Variants in KIF9 observed in about 807,000 individuals in gnomAD.
KIF9 encodes the protein kinesin family member 9, also known as kinesin-like protein KIF9.
KIF9 carries 68 observed loss-of-function variants against 94.8 expected under a neutral mutation model. The observed-to-expected ratio is 0.72, with a 90% CI of 0.59 to 0.88. The LOEUF (loss-of-function observed/expected upper bound fraction) is 0.88, where lower values mean the gene tolerates loss of function less well. Among genes scored for constraint, KIF9 ranks in the 40% least tolerant of loss-of-function variants. The pLI, the probability that KIF9 is intolerant of heterozygous loss-of-function variation, is 0.00. For synonymous variants in KIF9, 343 were observed against 362.1 expected (o/e 0.95, Z 0.60); for missense variants, 882 against 982.5 (o/e 0.90, Z 1.37).
chr3:47,280,872 C>T, intron 1 of KIF9: 1 of 702,204 alleles, frequency 1.4e-6, no homozygotes, highest in Non-Finnish European at 2.6e-6. Context: ...TCTTCCTTTG[C>T]ACACCCGTCT....
chr3:47,262,414 C>T (rs540649574), intron 9 of KIF9, among the ~76,000 whole-genome samples: 9 of 152,074 alleles, frequency 5.9e-5, no homozygotes, highest in African/African-American at 9.6e-5. Flanking sequence ...GGATTACAGG[C>T]GCCCGCCACC....
At chr3:47,251,352 G>A (rs182739541) in intron 10 of KIF9, among the ~76,000 whole-genome samples, 32 of 152,248 alleles carry the variant, frequency 2.1e-4, no homozygotes, top group African/African-American at 7.2e-4. Flanking sequence ...GATCACTTGA[G>A]GTCAGGAGTT....
At chr3:47,239,475 C>T (rs181697159) in intron 17 of KIF9, 90 of 839,028 alleles carry the variant, frequency 1.1e-4, no homozygotes, top group East Asian at 9.4e-4. Flanking sequence ...TTCCCAGACC[C>T]GTGGAGGGCT....
At chr3:47,263,326 A>T (rs1321920066) in intron 9 of KIF9, among the ~76,000 whole-genome samples, 1 of 151,982 alleles carries the variant, frequency 6.6e-6, no homozygotes, top group Non-Finnish European at 1.5e-5. Flanking sequence ...TCTAATTCTC[A>T]CAAGCTTCTC....
chr3:47,233,619 C>A (rs965068681), intron 20 of KIF9, among the ~76,000 whole-genome samples: 2 of 151,534 alleles, frequency 1.3e-5, no homozygotes, highest in Admixed American at 1.3e-4. Context: ...TCGCTTCAAT[C>A]TGTGAGGTCG....
In KIF9 at chr3:47,253,773, C is replaced by T. The variant is rs184806192; in HGVS notation, c.1059+3710G>A. On this transcript the variant is annotated intron_variant, in intron 10 of 20. Coordinates refer to ENST00000684063, the MANE Select transcript of KIF9 (RefSeq NM_182902.4). ...TCTGGCTCCCTCATCCCACAACTCA[C>T]TTAGCTACTCCCCTGTTAAAGGATA... 2.0e-3 allele frequency among the ~76,000 whole-genome samples: 299 copies of T among 152,302 alleles called. 3 individuals are homozygous for T. The highest frequency in any genetic ancestry group is 6.6e-3 in the African/African-American group (273 of 41,568).
intron 2 of KIF9, among the ~76,000 whole-genome samples, chr3:47,276,391 A>C (rs930775616): frequency 2.6e-5 from 4 of 152,182 alleles, no homozygotes; most frequent in Non-Finnish European, 5.9e-5. Context: ...CCCCGTCTCT[A>C]CTAAAAATAC....
chr3:47,243,200 C>T lies in KIF9; in HGVS notation c.1560G>A (p.Lys520=), dbSNP rs768217836. ...KEGASSPVNG[K]DLDYVSTSKT... is the part of the protein sequence containing the mutation. ...TGGAGGTGGAAACGTAATCCAAGTC[C>T]TTCCCATTCACAGGGCTGCTGGCAC... Residue 520 remains lysine, a synonymous_variant, in exon 16 of 21, where the codon AAG becomes AAA. Transcript: ENST00000684063. The T allele has an allele frequency of 1.2e-6, 2 of 1,613,266 alleles. No individual in the cohort carries two copies. The highest frequency in any genetic ancestry group is 1.7e-6 in the Non-Finnish European group (2 of 1,179,412).
intron 5 of KIF9, among the ~76,000 whole-genome samples, chr3:47,267,724 T>C (rs1312241839): frequency 6.6e-6 from 1 of 152,166 alleles, no homozygotes; most frequent in Non-Finnish European, 1.5e-5. Context: ...ATAAGCAGAA[T>C]TCTGCTAATA....
At chr3:47,274,773 A>G (rs1459076146) in intron 3 of KIF9, among the ~76,000 whole-genome samples, 1 of 152,228 alleles carries the variant, frequency 6.6e-6, no homozygotes, top group African/African-American at 2.4e-5. Flanking sequence ...TGGGGACCAC[A>G]CCTACGTATC....
At chr3:47,255,496 A>C (rs985383311) in intron 10 of KIF9, among the ~76,000 whole-genome samples, 1 of 152,114 alleles carries the variant, frequency 6.6e-6, no homozygotes, top group African/African-American at 2.4e-5. Context: ...CTCATGTAGA[A>C]GCCTAGAGCA....
At position 47,240,694 on chromosome 3, in the gene KIF9, C is replaced by G. The variant is rs1014194304; in HGVS notation, c.1924+107G>C. The G allele has an allele frequency of 7.4e-5, 67 of 910,768 alleles. 1 individual carries two copies. The South Asian group carries it at 9.5e-4, about 13-fold the overall frequency. 56.4% of individuals were successfully genotyped at this position (910,768 alleles called of 1,614,324 possible). On this transcript the variant is annotated intron_variant, in intron 17 of 20. Coordinates refer to ENST00000684063, the MANE Select transcript of KIF9 (RefSeq NM_182902.4). ...GGTGAAGGCCACATCCCAGCACCCC[C>G]ACTGGCCCCCTCCCATCTCAGACCT...
At chr3:47,269,541 C>T (rs1701503754) in intron 5 of KIF9, among the ~76,000 whole-genome samples, 1 of 152,160 alleles carries the variant, frequency 6.6e-6, no homozygotes. Context: ...CTTGGCCTCC[C>T]AAAGTGCTGG....
chr3:47,269,004 C>T (rs1375191655), intron 5 of KIF9, among the ~76,000 whole-genome samples: 1 of 151,844 alleles, frequency 6.6e-6, no homozygotes, highest in African/African-American at 2.4e-5. Context: ...GAACTCCTGA[C>T]TTCCAGTGAT....
intron 4 of KIF9, among the ~76,000 whole-genome samples, chr3:47,273,222 T>G (rs1020151633): frequency 1.1e-4 from 16 of 152,172 alleles, no homozygotes; most frequent in Admixed American, 1.0e-3. Flanking sequence ...GGAAAGAGAA[T>G]GATTAGGACC....
intron 2 of KIF9, among the ~76,000 whole-genome samples, chr3:47,276,610 A>G (rs1701991116): frequency 6.6e-6 from 1 of 151,962 alleles, no homozygotes; most frequent in Non-Finnish European, 1.5e-5. Flanking sequence ...CCACTCACAC[A>G]TTAAATGCTC....
At chr3:47,245,714 AC>A in intron 13 of KIF9, 1 of 579,938 alleles carries the variant, frequency 1.7e-6, no homozygotes, top group Non-Finnish European at 3.1e-6. Context: ...CGACCCCCAT[AC>A]CCACAAGGGC....
At chr3:47,280,668 C>T (rs1405259568) in intron 1 of KIF9, among the ~76,000 whole-genome samples, 2 of 152,208 alleles carry the variant, frequency 1.3e-5, no homozygotes, top group East Asian at 1.9e-4. Flanking sequence ...TGGACAACAG[C>T]GTGAGACTGT....
chr3:47,275,238 TGAGC>T (rs1701886428), intron 3 of KIF9, 83 bp downstream of exon 3: 1 of 1,012,186 alleles, frequency 9.9e-7, no homozygotes, highest in Non-Finnish European at 1.5e-6. Context: ...TGATAGTGAG[TGAGC>T]TTTTATTTTA....
Sources: gnomAD v4.1 joint callset for allele counts (sites outside exome capture counted in the v4.1 genomes callset) on GRCh38, gnomAD v4.1.1 for gene constraint, MANE v1.5 for transcripts, NCBI Gene and HGNC (gene_info 2026-07-23, HGNC 2026-07-21) for gene names.